The following NAF1 variants were observed in gnomAD, a reference collection of about 807,000 sequenced individuals.
NAF1 encodes the protein nuclear assembly factor 1 ribonucleoprotein, also known as H/ACA ribonucleoprotein complex non-core subunit NAF1.
Under a neutral mutation model 40.6 loss-of-function variants are expected in NAF1, and 11 were observed. The observed-to-expected ratio is 0.27, with a 90% CI of 0.17 to 0.45. The LOEUF is 0.45. Among genes scored for constraint, NAF1 ranks in the 20% least tolerant of loss-of-function variants. The pLI is 1.00. For synonymous variants in NAF1, 260 were observed against 228.5 expected (o/e 1.14, Z -1.24); for missense variants, 607 against 611.1 (o/e 0.99, Z 0.07).
chr4:163,163,661 C>T (rs1024493899), intron 2 of NAF1, among the ~76,000 whole-genome samples: 9 of 147,602 alleles, frequency 6.1e-5, no homozygotes, highest in Admixed American at 6.0e-4. Flanking sequence ...TATCGAGTGC[C>T]AATAAATACC....
At chr4:163,114,139 T>C (rs1464670905) in intron 2 of NAF1, among the ~76,000 whole-genome samples, 1 of 152,180 alleles carries the variant, frequency 6.6e-6, no homozygotes, top group African/African-American at 2.4e-5. Context: ...GTTGTGGGTA[T>C]GTAGGAGCAT....
intron 2 of NAF1, among the ~76,000 whole-genome samples, chr4:163,161,947 A>C (rs1034719180): frequency 7.2e-5 from 11 of 152,094 alleles, no homozygotes; most frequent in Admixed American, 2.6e-4. Flanking sequence ...CTCTCGCACT[A>C]GCCCATGTGC....
At chr4:163,118,077 C>T (rs146572311) in intron 2 of NAF1, among the ~76,000 whole-genome samples, 1,775 of 151,968 alleles carry the variant, frequency 0.012, 21 homozygotes, top group Middle Eastern at 0.024. Flanking sequence ...GAAATCTGTG[C>T]TAAAATAGGT....
downstream of NAF1, among the ~76,000 whole-genome samples, chr4:163,126,249 T>C (rs908364277): frequency 3.9e-5 from 6 of 152,240 alleles, no homozygotes; most frequent in African/African-American, 1.2e-4. Flanking sequence ...CTGATGGATT[T>C]GGGCAAAGTA....
chr4:163,114,163 G>C (rs1730253271), intron 2 of NAF1, among the ~76,000 whole-genome samples: 1 of 152,170 alleles, frequency 6.6e-6, no homozygotes, highest in South Asian at 2.1e-4. Flanking sequence ...GTAAAATTCA[G>C]GAAACTGCAT....
At chr4:163,154,155 G>A (rs543964229) in intron 2 of NAF1, among the ~76,000 whole-genome samples, 13 of 152,184 alleles carry the variant, frequency 8.5e-5, no homozygotes, top group Non-Finnish European at 1.8e-4. Flanking sequence ...AACACTCACC[G>A]CGAAGGTCTG....
At chr4:163,136,178 C>T (rs1731048197) in intron 6 of NAF1, 1 of 152,052 alleles carries the variant, frequency 6.6e-6, no homozygotes, top group Admixed American at 6.5e-5. Context: ...TATCAAAAAT[C>T]TGTAATACTG....
chr4:163,150,768 CCT>C (rs1176634197), intron 2 of NAF1, among the ~76,000 whole-genome samples: 2 of 151,994 alleles, frequency 1.3e-5, no homozygotes, highest in Non-Finnish European at 2.9e-5. Flanking sequence ...TTGTGTAACC[CCT>C]GTGATAAATT....
intron 4 of NAF1, among the ~76,000 whole-genome samples, chr4:163,143,720 G>A (rs1014222497): frequency 1.3e-5 from 2 of 152,188 alleles, no homozygotes; most frequent in African/African-American, 4.8e-5. Context: ...AGGTCTGCAT[G>A]CTGCCACCTG....
rs764088074 is a variant in NAF1 at position 163,166,374 on chromosome 4, C to G, written c.354G>C (p.Ser118=). The change falls in exon 1 of 8, where the codon TCG becomes TCC. Residue 118 remains serine (S), a synonymous_variant. Coordinates refer to ENST00000274054, the MANE Select transcript of NAF1 (RefSeq NM_138386.3). ...CTTAGGCACCCGACCTGTCCGAGTC[C>G]GAATCCGAGTCCGAGGTCTCCAAGG... ...PDSLETSDSD[S]DSDSETDSDS... is the part of the protein sequence containing the mutation. 21 of 1,602,424 alleles carry G rather than the reference C, an allele frequency of 1.3e-5. No homozygotes were observed. Among genetic ancestry groups the G allele is most frequent in the Non-Finnish European group, 1.8e-5 (21 of 1,173,962 alleles).
chr4:163,114,481 G>C (rs1730264873), intron 2 of NAF1, among the ~76,000 whole-genome samples: 1 of 152,218 alleles, frequency 6.6e-6, no homozygotes, highest in Non-Finnish European at 1.5e-5. Flanking sequence ...AGGAGTGGGA[G>C]TGCCAAGTTG....
chr4:163,140,461 T>C, intron 4 of NAF1, 78 bp from the exon 5 acceptor site: 1 of 1,277,938 alleles, frequency 7.8e-7, no homozygotes, highest in Non-Finnish European at 1.1e-6. Flanking sequence ...CTTTTAAAAA[T>C]CCCACTGATA....
intron 2 of NAF1, among the ~76,000 whole-genome samples, chr4:163,155,027 G>A (rs1248607016): frequency 1.3e-5 from 2 of 152,290 alleles, no homozygotes; most frequent in African/African-American, 4.8e-5. Flanking sequence ...GTTCAAAGGG[G>A]ATAGATCTCT....
chr4:163,110,867 T>C (rs1395529641), intron 2 of NAF1, among the ~76,000 whole-genome samples: 5 of 152,168 alleles, frequency 3.3e-5, no homozygotes, highest in African/African-American at 4.8e-5. Flanking sequence ...GATTTATTTA[T>C]ATTTTTTAAA....
downstream of NAF1, chr4:163,109,049 A>C (rs1298642125): frequency 6.6e-6 from 1 of 152,130 alleles, no homozygotes; most frequent in African/African-American, 2.4e-5. Context: ...AAATATTAAA[A>C]ACTTTCTGAC....
At chr4:163,126,300 C>G (rs1449330427), downstream of NAF1, among the ~76,000 whole-genome samples, 1 of 152,112 alleles carries the variant, frequency 6.6e-6, no homozygotes, top group African/African-American at 2.4e-5. Context: ...TTTAAGATGT[C>G]ATTAAGAACA....
At chr4:163,125,846 G>A (rs1730639607), downstream of NAF1, among the ~76,000 whole-genome samples, 3 of 152,182 alleles carry the variant, frequency 2.0e-5, no homozygotes, top group South Asian at 6.2e-4. Flanking sequence ...TAGGGGTACT[G>A]CAGCTGGTGA....
At chr4:163,106,445 A>C (rs1730049956), downstream of NAF1, among the ~76,000 whole-genome samples, 1 of 152,316 alleles carries the variant, frequency 6.6e-6, no homozygotes, top group South Asian at 2.1e-4. Flanking sequence ...TAGCACTTTC[A>C]TATTAGAAAG....
At chr4:163,123,457 T>C (rs960345268), downstream of NAF1, among the ~76,000 whole-genome samples, 3 of 152,202 alleles carry the variant, frequency 2.0e-5, no homozygotes, top group Admixed American at 6.5e-5. Context: ...TCATAGCTCA[T>C]TGGAGCCTCA....
Sources: allele counts gnomAD v4.1 joint callset (sites outside exome capture counted in the v4.1 genomes callset), GRCh38; gene constraint gnomAD v4.1.1; transcripts MANE v1.5; gene names NCBI Gene and HGNC (gene_info 2026-07-23, HGNC 2026-07-21).